GRID2: variants seen among roughly 807,000 people sequenced by gnomAD.
GRID2 encodes glutamate receptor ionotropic, delta-2.
A neutral mutation model predicts 114.8 loss-of-function variants in GRID2; 33 were observed. That is an observed-to-expected ratio of 0.29 (90% CI 0.22 to 0.38). GRID2 has a LOEUF of 0.38. Ranked by LOEUF, GRID2 falls within the 10% of genes least tolerant of loss-of-function variation. GRID2 has a pLI of 1.00. For synonymous variants in GRID2, 505 were observed against 449.9 expected (o/e 1.12, Z -1.55); for missense variants, 1,184 against 1,257.7 (o/e 0.94, Z 0.89).
chr4:93,786,009 T>C (rs1234735957), intron 1 of GRID2, among the ~76,000 whole-genome samples: 1 of 152,032 alleles, frequency 6.6e-6, no homozygotes. Context: ...CAACATTTGA[T>C]CAAAGGACAA....
At chr4:92,861,458 T>G (rs1744528296) in intron 2 of GRID2, among the ~76,000 whole-genome samples, 1 of 152,092 alleles carries the variant, frequency 6.6e-6, no homozygotes, top group African/African-American at 2.4e-5. Flanking sequence ...AGCAATCATC[T>G]TTTTCTCATG....
At chr4:92,515,631 T>C (rs1724462989) in intron 1 of GRID2, among the ~76,000 whole-genome samples, 2 of 151,940 alleles carry the variant, frequency 1.3e-5, no homozygotes, top group South Asian at 4.1e-4. Context: ...GAAAGTTTTA[T>C]ATTTGTTCTG....
At chr4:92,681,282 T>C (rs2149284443) in intron 2 of GRID2, among the ~76,000 whole-genome samples, 1 of 152,092 alleles carries the variant, frequency 6.6e-6, no homozygotes, top group East Asian at 1.9e-4. Context: ...AAGCATAAGG[T>C]GATTTTTGAA....
At chr4:93,657,832 T>C (rs1162773793) in intron 14 of GRID2, among the ~76,000 whole-genome samples, 1 of 152,172 alleles carries the variant, frequency 6.6e-6, no homozygotes, top group Non-Finnish European at 1.5e-5. Flanking sequence ...TATAGCTAGA[T>C]TGCCTAAGGT....
At chr4:93,282,192 T>C (rs796825797) in intron 8 of GRID2, among the ~76,000 whole-genome samples, 4 of 152,192 alleles carry the variant, frequency 2.6e-5, no homozygotes, top group African/African-American at 4.8e-5. Context: ...AGAAAATTCA[T>C]GTTCATTTCC....
intron 4 of GRID2, among the ~76,000 whole-genome samples, chr4:93,203,759 G>C (rs1742355291): frequency 6.6e-6 from 1 of 152,156 alleles, no homozygotes; most frequent in South Asian, 2.1e-4. Flanking sequence ...CTACAGCATA[G>C]AGTAGGAAAG....
chr4:93,436,263 A>C (rs1320637529), intron 10 of GRID2, among the ~76,000 whole-genome samples: 1 of 151,998 alleles, frequency 6.6e-6, no homozygotes, highest in Admixed American at 6.6e-5. Context: ...CAGTAAAGTG[A>C]CTTTTAGTAG....
intron 1 of GRID2, among the ~76,000 whole-genome samples, chr4:92,457,473 T>C (rs1180475233): frequency 6.6e-6 from 1 of 152,144 alleles, no homozygotes; most frequent in Non-Finnish European, 1.5e-5. Context: ...GAAAAATATA[T>C]TTCTTTTATG....
downstream of GRID2, among the ~76,000 whole-genome samples, chr4:93,776,810 C>G (rs550644636): frequency 6.6e-5 from 10 of 152,182 alleles, no homozygotes; most frequent in South Asian, 2.1e-3. Context: ...ACTATCTAAC[C>G]CTTCATCCTT....
chr4:93,609,375 G>C (rs1047223138), intron 13 of GRID2, among the ~76,000 whole-genome samples: 8 of 86,522 alleles, frequency 9.2e-5, no homozygotes, highest in African/African-American at 3.3e-4. Context: ...TTTTGGGCAT[G>C]AAGTCCTTGC....
chr4:92,731,985 G>C (rs758350468), intron 2 of GRID2, among the ~76,000 whole-genome samples: 2 of 151,548 alleles, frequency 1.3e-5, no homozygotes, highest in African/African-American at 4.8e-5. Context: ...AAATTCTTAG[G>C]GTATGTAGTC....
intron 2 of GRID2, among the ~76,000 whole-genome samples, chr4:92,750,278 C>A (rs1737386085): frequency 6.6e-6 from 1 of 152,184 alleles, no homozygotes; most frequent in African/African-American, 2.4e-5. Context: ...CTATCTCATT[C>A]AGCTAGAAAT....
chr4:93,744,882 C>T (rs1239260139), intron 14 of GRID2, among the ~76,000 whole-genome samples: 2 of 152,206 alleles, frequency 1.3e-5, no homozygotes, highest in African/African-American at 2.4e-5. Context: ...TCAGCAACCA[C>T]CCTGCTGATC....
intron 12 of GRID2, among the ~76,000 whole-genome samples, chr4:93,498,023 A>G (rs1181701396): frequency 1.3e-5 from 2 of 151,852 alleles, no homozygotes; most frequent in Non-Finnish European, 2.9e-5. Context: ...TCATTATACA[A>G]GTCCTGTACA....
intron 2 of GRID2, among the ~76,000 whole-genome samples, chr4:92,660,481 G>C (rs1334857552): frequency 6.6e-6 from 1 of 151,208 alleles, no homozygotes; most frequent in African/African-American, 2.4e-5. Flanking sequence ...ATGAGTAAAT[G>C]AACACAGCTT....
At chr4:92,906,065 T>C (rs1747930827) in intron 2 of GRID2, among the ~76,000 whole-genome samples, 1 of 151,998 alleles carries the variant, frequency 6.6e-6, no homozygotes, top group Admixed American at 6.6e-5. Context: ...CACTGAGAGG[T>C]GAATAGTTTA....
intron 4 of GRID2, among the ~76,000 whole-genome samples, chr4:93,152,016 G>A (rs530069205): frequency 9.0e-4 from 137 of 152,160 alleles, no homozygotes; most frequent in Non-Finnish European, 1.6e-3. Context: ...CTAGTTTCAC[G>A]TGGTAAAATA....
chr4:93,686,108 C>A (rs1255719783), intron 14 of GRID2, among the ~76,000 whole-genome samples: 3 of 151,990 alleles, frequency 2.0e-5, no homozygotes, highest in Non-Finnish European at 4.4e-5. Context: ...AAAATGAACT[C>A]TCTGTCTCTC....
intron 14 of GRID2, among the ~76,000 whole-genome samples, chr4:93,655,427 G>A (rs1160009810): frequency 1.3e-5 from 2 of 151,882 alleles, no homozygotes; most frequent in Non-Finnish European, 2.9e-5. Flanking sequence ...TGCTGGACAT[G>A]AAAAATCTCT....
Sources: allele counts gnomAD v4.1 joint callset (sites outside exome capture counted in the v4.1 genomes callset), GRCh38; gene constraint gnomAD v4.1.1; transcripts MANE v1.5; gene names NCBI Gene and HGNC (gene_info 2026-07-23, HGNC 2026-07-21).